Variants in PCDH11X observed in about 807,000 individuals in gnomAD.
The protein encoded by PCDH11X is protocadherin 11 X-linked, also known as protocadherin-11 X-linked.
Under a neutral mutation model 53.3 loss-of-function variants are expected in PCDH11X, and 18 were observed. The observed-to-expected ratio is 0.34, with a 90% CI of 0.23 to 0.50. The LOEUF (loss-of-function observed/expected upper bound fraction) is 0.50. PCDH11X is among the 20% of genes least tolerant of loss of function. PCDH11X has a pLI of 0.98. For missense variants in PCDH11X, 570 were observed against 1,032.4 expected (o/e 0.55, Z 6.14); for synonymous variants, 279 against 393.3 (o/e 0.71, Z 3.44).
intron 8 of PCDH11X, among the ~76,000 whole-genome samples, chrX:92,330,658 C>T (rs2522732): frequency 1.8e-5 from 2 of 111,258 alleles, no homozygotes; most frequent in Non-Finnish European, 3.8e-5. Flanking sequence ...AGGCACATCC[C>T]AAGTGTCCAT....
chrX:92,429,644 C>G (rs1162282009), intron 9 of PCDH11X, among the ~76,000 whole-genome samples: 1 of 106,002 alleles, frequency 9.4e-6, no homozygotes, highest in Non-Finnish European at 1.9e-5. Context: ...GGGAGTGCTC[C>G]TATGGGGGAT....
chrX:91,867,393 A>G (rs972279118), intron 5 of PCDH11X, among the ~76,000 whole-genome samples: 4 of 110,565 alleles, frequency 3.6e-5, no homozygotes, highest in African/African-American at 1.3e-4. Context: ...AACAGTAGTT[A>G]TGCTTACAGA....
At chrX:92,525,092 A>G (rs1603356568) in intron 10 of PCDH11X, among the ~76,000 whole-genome samples, 1 of 111,595 alleles carries the variant, frequency 9.0e-6, no homozygotes, top group East Asian at 2.8e-4. Flanking sequence ...ATGAACTTAA[A>G]CCTCATTTTT....
At chrX:92,233,325 A>G (rs141869435) in intron 7 of PCDH11X, among the ~76,000 whole-genome samples, 1,296 of 111,282 alleles carry the variant, frequency 0.012, 12 homozygotes, top group Middle Eastern at 0.028. Flanking sequence ...AACACTCTAC[A>G]TAATATTTAA....
At chrX:92,348,252 G>A (rs1224206591) in intron 8 of PCDH11X, among the ~76,000 whole-genome samples, 1 of 110,942 alleles carries the variant, frequency 9.0e-6, no homozygotes, top group Non-Finnish European at 1.9e-5. Context: ...ATCCAGCCCC[G>A]GGCTGGGTCA....
chrX:91,852,494 CTT>C (rs1420664544), intron 5 of PCDH11X, among the ~76,000 whole-genome samples: 1 of 110,916 alleles, frequency 9.0e-6, no homozygotes, highest in Admixed American at 9.6e-5. Context: ...TTCTCAGAGT[CTT>C]TTCTGATTAT....
At chrX:92,328,759 A>G (rs2069394496) in intron 8 of PCDH11X, among the ~76,000 whole-genome samples, 1 of 110,482 alleles carries the variant, frequency 9.1e-6, no homozygotes, top group South Asian at 3.8e-4. Context: ...GTAGCCCTAT[A>G]TCACTTAAAG....
At chrX:92,356,053 G>C (rs1319681130) in intron 8 of PCDH11X, among the ~76,000 whole-genome samples, 5 of 111,760 alleles carry the variant, frequency 4.5e-5, no homozygotes, top group African/African-American at 1.3e-4. Flanking sequence ...CTGTGTCAAT[G>C]CTCCTGGTAA....
intron 6 of PCDH11X, among the ~76,000 whole-genome samples, chrX:92,161,237 T>C (rs977016149): frequency 3.6e-5 from 4 of 111,709 alleles, no homozygotes; most frequent in African/African-American, 1.3e-4. Flanking sequence ...TCAGCATTTG[T>C]TTGTCTGAAA....
Position 91,931,179 on chromosome X carries a change from A to G in PCDH11X, c.3033+51906A>G, listed in dbSNP as rs183736330. Among the ~76,000 whole-genome samples the G allele has an allele frequency of 2.7e-4, 29 of 107,664 alleles. No individual in the cohort carries two copies. The East Asian group carries it at 8.6e-3, about 32-fold the overall frequency. 93.5% of individuals were successfully genotyped at this position (107,664 alleles called of 115,157 possible). A position where few individuals can be genotyped will look rare whatever the true frequency, so the allele number is the denominator to read the frequency against. Reference sequence around the variant, plus strand: ...GTGTGTCGTGTGCGTGTGTGTGTATATGATCATTAATTTTGAAATAACTGC... The same window carrying G: ...GTGTGTCGTGTGCGTGTGTGTGTATGTGATCATTAATTTTGAAATAACTGC... On this transcript the variant is annotated intron_variant, in intron 6 of 10. Transcript: ENST00000682573.
intron 4 of PCDH11X, among the ~76,000 whole-genome samples, chrX:91,819,183 G>A (rs991482058): frequency 6.4e-5 from 7 of 109,253 alleles, no homozygotes; most frequent in African/African-American, 2.0e-4. Context: ...TGGTGAGAAG[G>A]CATGGAATAT....
intron 6 of PCDH11X, among the ~76,000 whole-genome samples, chrX:92,188,751 T>C (rs1269749436): frequency 8.9e-6 from 1 of 111,776 alleles, no homozygotes; most frequent in Non-Finnish European, 1.9e-5. Flanking sequence ...TTCAGACAAC[T>C]TACAAAGACA....
chrX:91,819,486 A>T (rs1188658940), intron 4 of PCDH11X, among the ~76,000 whole-genome samples: 2 of 110,035 alleles, frequency 1.8e-5, no homozygotes, highest in Non-Finnish European at 3.8e-5. Context: ...ATAAAATGGA[A>T]TTCATAAAAT....
At chrX:92,077,785 A>C (rs2063798741) in intron 6 of PCDH11X, among the ~76,000 whole-genome samples, 1 of 110,908 alleles carries the variant, frequency 9.0e-6, no homozygotes, top group Non-Finnish European at 1.9e-5. Flanking sequence ...TCTTGAGGGA[A>C]CTTAAACTAA....
Position 92,186,398 on chromosome X carries a change from G to A in PCDH11X, c.3034-14977G>A, listed in dbSNP as rs142790183. Among the ~76,000 whole-genome samples, 946 of 111,656 alleles carry A rather than the reference G, an allele frequency of 8.5e-3. 17 individuals are homozygous for A. The highest frequency in any genetic ancestry group is 0.03 in the African/African-American group (911 of 30,731). ...TAATCCCAGCACTTTGGGAGGCCAA[G>A]GCGGGTGCATCACCTGACATCGGGA... On this transcript the variant is annotated intron_variant, in intron 6 of 10. Transcript: ENST00000682573.
At chrX:92,542,825 T>A (rs2148739159) in intron 10 of PCDH11X, among the ~76,000 whole-genome samples, 1 of 111,425 alleles carries the variant, frequency 9.0e-6, no homozygotes, top group Non-Finnish European at 1.9e-5. Context: ...ACAGGTTTAA[T>A]ATAAAGAATA....
At chrX:92,270,783 C>T (rs1275957561) in intron 8 of PCDH11X, among the ~76,000 whole-genome samples, 1 of 112,079 alleles carries the variant, frequency 8.9e-6, no homozygotes, top group Non-Finnish European at 1.9e-5. Context: ...GAGTAGCTAT[C>T]TATGGAGCTA....
intron 7 of PCDH11X, among the ~76,000 whole-genome samples, chrX:92,215,822 C>T (rs1291018031): frequency 9.3e-6 from 1 of 107,248 alleles, no homozygotes; most frequent in Non-Finnish European, 1.9e-5. Flanking sequence ...GGCAGACTGA[C>T]ACCTCACACG....
chrX:92,023,498 G>A lies in PCDH11X; in HGVS notation c.3033+144225G>A, dbSNP rs1309945212. On this transcript the variant is annotated intron_variant, in intron 6 of 10. Transcript: ENST00000682573. ...GAATCCCTGAATAAACCAATAACAAGTTCTGAAATTGAGGCAGTAATTAAT... is the reference window on the plus strand; with the variant it reads ...GAATCCCTGAATAAACCAATAACAAATTCTGAAATTGAGGCAGTAATTAAT... Among the ~76,000 whole-genome samples, 5 of 110,436 alleles carry A rather than the reference G, an allele frequency of 4.5e-5. No homozygotes were observed. The Admixed American group carries it at 4.8e-4, about 11-fold the overall frequency.
Sources: gnomAD v4.1 joint callset for allele counts (sites outside exome capture counted in the v4.1 genomes callset) on GRCh38, gnomAD v4.1.1 for gene constraint, MANE v1.5 for transcripts, NCBI Gene and HGNC (gene_info 2026-07-23, HGNC 2026-07-21) for gene names.